Variants in DLGAP1 observed in about 807,000 individuals in gnomAD.
The protein encoded by DLGAP1 is disks large-associated protein 1.
A neutral mutation model predicts 90.8 loss-of-function variants in DLGAP1; 11 were observed. That is an observed-to-expected ratio of 0.12 (90% confidence interval 0.08 to 0.20). DLGAP1 has a LOEUF of 0.20. Ranked by LOEUF, DLGAP1 falls within the 10% of genes least tolerant of loss-of-function variation. The pLI, the probability that DLGAP1 is intolerant of heterozygous loss-of-function variation, is 1.00. For synonymous variants in DLGAP1, 558 were observed against 540.7 expected (o/e 1.03, Z -0.44); for missense variants, 1,050 against 1,333.8 (o/e 0.79, Z 3.31).
chr18:3,847,656 T>A (rs1247172093), intron 4 of DLGAP1, among the ~76,000 whole-genome samples: 1 of 152,004 alleles, frequency 6.6e-6, no homozygotes, highest in Non-Finnish European at 1.5e-5. Context: ...TACCAAATGA[T>A]CCAGACGAGA....
intron 7 of DLGAP1, chr18:3,708,625 G>C (rs1457936627): frequency 4.7e-6 from 2 of 428,942 alleles, no homozygotes; most frequent in African/African-American, 4.1e-5. Flanking sequence ...GACTTAAGTG[G>C]CTTTAAATTT....
At chr18:4,173,668 T>G (rs1267513541) in intron 1 of DLGAP1, among the ~76,000 whole-genome samples, 1 of 152,070 alleles carries the variant, frequency 6.6e-6, no homozygotes, top group Non-Finnish European at 1.5e-5. Flanking sequence ...CTGCAAAGTC[T>G]CAGTAAAAAG....
chr18:3,853,316 A>AT (rs949786218), intron 4 of DLGAP1, among the ~76,000 whole-genome samples: 1 of 151,974 alleles, frequency 6.6e-6, no homozygotes, highest in African/African-American at 2.4e-5. Context: ...TGAATTTCAG[A>AT]TTTTTTCGGA....
At chr18:4,338,170 G>A (rs1197651313) in intron 1 of DLGAP1, among the ~76,000 whole-genome samples, 2 of 152,030 alleles carry the variant, frequency 1.3e-5, no homozygotes, top group African/African-American at 2.4e-5. Context: ...CACTGTCAAG[G>A]CAATCCATTT....
intron 3 of DLGAP1, chr18:3,984,267 A>T (rs926986669): frequency 6.6e-6 from 1 of 152,094 alleles, no homozygotes; most frequent in African/African-American, 2.4e-5. Flanking sequence ...GACCTAAGAA[A>T]ACCAAAATCC....
chr18:4,236,141 A>G (rs2078410058), intron 1 of DLGAP1, among the ~76,000 whole-genome samples: 2 of 152,258 alleles, frequency 1.3e-5, no homozygotes, highest in South Asian at 4.1e-4. Flanking sequence ...AAAGCCTCTG[A>G]TCCTTGTTAA....
chr18:3,898,958 A>T (rs1386176319), intron 3 of DLGAP1, among the ~76,000 whole-genome samples: 2 of 151,632 alleles, frequency 1.3e-5, no homozygotes, highest in Non-Finnish European at 2.9e-5. Flanking sequence ...GGAGGAAATG[A>T]TGAACTTCTC....
At chr18:4,448,378 T>C (rs985120448) in intron 1 of DLGAP1, among the ~76,000 whole-genome samples, 1 of 152,180 alleles carries the variant, frequency 6.6e-6, no homozygotes, top group Non-Finnish European at 1.5e-5. Context: ...ACCCAGGAGA[T>C]GTTACAAATA....
chr18:3,526,037 T>C lies in DLGAP1; in HGVS notation c.2479+8157A>G, dbSNP rs1175647270. On this transcript the variant is annotated intron_variant, in intron 10 of 12. Coordinates refer to ENST00000315677, the MANE Select transcript of DLGAP1 (RefSeq NM_004746.4). This position sits in a 1 kb window ranked among gnomAD's most constrained non-coding sequence, Gnocchi z 4.7. ...TGGCACATTACAGCCGATTTCCTTT[T>C]CATTACTGCCACTTCCTCTGCGGTC... 6.6e-6 allele frequency among the ~76,000 whole-genome samples: 1 copy of C among 152,234 alleles called. No homozygotes were observed. Among genetic ancestry groups the C allele is most frequent in the Non-Finnish European group, 1.5e-5 (1 of 68,048 alleles).
At chr18:4,427,385 A>G (rs2083180632) in intron 1 of DLGAP1, among the ~76,000 whole-genome samples, 1 of 152,214 alleles carries the variant, frequency 6.6e-6, no homozygotes, top group Admixed American at 6.5e-5. Context: ...TGAGTCTGGG[A>G]TCTTGAATTA....
At chr18:4,102,472 G>C (rs948788277) in intron 2 of DLGAP1, among the ~76,000 whole-genome samples, 2 of 152,132 alleles carry the variant, frequency 1.3e-5, no homozygotes, top group Non-Finnish European at 1.5e-5. Flanking sequence ...TTTTGTGCTG[G>C]ATGTAAAGGA....
chr18:3,839,333 T>C (rs57698289), intron 4 of DLGAP1, among the ~76,000 whole-genome samples: 2,170 of 152,238 alleles, frequency 0.014, 45 homozygotes, highest in East Asian at 0.042. Flanking sequence ...CTACTGTCTA[T>C]TGGGGGACAG....
rs932781660 is a variant in DLGAP1 at position 3,526,049 on chromosome 18, CTTCCTCTGCGGTCACTAAT to C, written c.2479+8126_2479+8144del. On this transcript the variant is annotated intron_variant, in intron 10 of 12. Coordinates refer to ENST00000315677, the MANE Select transcript of DLGAP1 (RefSeq NM_004746.4). This position sits in a 1 kb window ranked among gnomAD's most constrained non-coding sequence, Gnocchi z 4.7. ...GCCGATTTCCTTTTCATTACTGCCA[CTTCCTCTGCGGTCACTAAT>C]TTCAGGTTGTCTGGAGCTTACAAAA... 6.6e-6 allele frequency among the ~76,000 whole-genome samples: 1 copy of C among 152,196 alleles called. No individual in the cohort carries two copies. The highest frequency in any genetic ancestry group is 1.5e-5 in the Non-Finnish European group (1 of 68,034).
At chr18:4,443,071 A>G (rs1373641301) in intron 1 of DLGAP1, among the ~76,000 whole-genome samples, 1 of 152,240 alleles carries the variant, frequency 6.6e-6, no homozygotes, top group Non-Finnish European at 1.5e-5. Flanking sequence ...AAATTTGTCA[A>G]AAACTGCCAA....
At chr18:4,177,438 TTTAG>T (rs1401545807) in intron 1 of DLGAP1, among the ~76,000 whole-genome samples, 1 of 152,018 alleles carries the variant, frequency 6.6e-6, no homozygotes, top group Non-Finnish European at 1.5e-5. Context: ...GTTTCAACTC[TTTAG>T]TTAGAGACTC....
chr18:4,123,721 G>A (rs867329535), intron 2 of DLGAP1, among the ~76,000 whole-genome samples: 6 of 152,278 alleles, frequency 3.9e-5, no homozygotes, highest in Middle Eastern at 3.4e-3. Context: ...AAAGCGGAGG[G>A]CCCTCCTCTC....
At chr18:4,024,870 T>C (rs73380548) in intron 2 of DLGAP1, among the ~76,000 whole-genome samples, 420 of 152,254 alleles carry the variant, frequency 2.8e-3, no homozygotes, top group African/African-American at 9.5e-3. Context: ...GAGAGCCAGA[T>C]GGTTGACTCA....
chr18:4,268,320 A>T (rs781718146), intron 1 of DLGAP1, among the ~76,000 whole-genome samples: 9 of 152,248 alleles, frequency 5.9e-5, no homozygotes, highest in Admixed American at 2.0e-4. Context: ...AGGAATAAAC[A>T]GTATTTTTTA....
intron 8 of DLGAP1, among the ~76,000 whole-genome samples, chr18:3,575,009 T>C (rs1599322822): frequency 6.6e-6 from 1 of 152,044 alleles, no homozygotes; most frequent in East Asian, 1.9e-4. Context: ...AGAGACGGGG[T>C]TTCACCATGT....
Sources: allele counts gnomAD v4.1 joint callset (sites outside exome capture counted in the v4.1 genomes callset), GRCh38; gene constraint gnomAD v4.1.1; non-coding constraint Gnocchi (gnomAD v3.1); transcripts MANE v1.5; gene names NCBI Gene and HGNC (gene_info 2026-07-23, HGNC 2026-07-21).